The following ARB2A variants were observed in gnomAD, a reference collection of about 807,000 sequenced individuals.
The protein encoded by ARB2A is ARB2 cotranscriptional regulator A.
the ARB2A span, among the ~76,000 whole-genome samples, chr5:93,954,375 C>A: frequency 2.0e-5 from 3 of 151,880 alleles, no homozygotes; most frequent in African/African-American, 7.2e-5. Flanking sequence ...TCCAAGGCAG[C>A]GAGTTCCTCC....
At chr5:93,742,452 C>A in the ARB2A span, among the ~76,000 whole-genome samples, 3 of 152,162 alleles carry the variant, frequency 2.0e-5, no homozygotes, top group Non-Finnish European at 4.4e-5. Context: ...AGAAACCCAA[C>A]AATCTTAATT....
the ARB2A span, among the ~76,000 whole-genome samples, chr5:93,746,791 G>A: frequency 6.6e-6 from 1 of 152,146 alleles, no homozygotes; most frequent in African/African-American, 2.4e-5. Context: ...AAGCCTTAAG[G>A]AATTTTAAAT....
the ARB2A span, among the ~76,000 whole-genome samples, chr5:93,621,667 G>A: frequency 6.6e-6 from 1 of 152,232 alleles, no homozygotes; most frequent in Non-Finnish European, 1.5e-5. Context: ...GGGTGGTGTG[G>A]AGGGGAAGGG....
At chr5:94,084,941 A>G in the ARB2A span, among the ~76,000 whole-genome samples, 1 of 152,224 alleles carries the variant, frequency 6.6e-6, no homozygotes, top group African/African-American at 2.4e-5. Context: ...GGAGACTACT[A>G]CTTTGATGTT....
At chr5:93,765,739 A>G in the ARB2A span, among the ~76,000 whole-genome samples, 5 of 152,172 alleles carry the variant, frequency 3.3e-5, no homozygotes, top group Non-Finnish European at 5.9e-5. Flanking sequence ...AGTCAATCCT[A>G]CGCCAAAAGA....
chr5:93,705,940 C>T, the ARB2A span, among the ~76,000 whole-genome samples: 1 of 152,024 alleles, frequency 6.6e-6, no homozygotes, highest in Non-Finnish European at 1.5e-5. Flanking sequence ...CATAAACTGG[C>T]CTTTTAACCT....
the ARB2A span, among the ~76,000 whole-genome samples, chr5:93,677,345 A>C: frequency 1.3e-5 from 2 of 152,202 alleles, no homozygotes; most frequent in Non-Finnish European, 2.9e-5. Flanking sequence ...CAAGATTCCT[A>C]TTCTGTCTCC....
At chr5:93,710,330 C>T in the ARB2A span, among the ~76,000 whole-genome samples, 11 of 152,180 alleles carry the variant, frequency 7.2e-5, no homozygotes, top group South Asian at 1.7e-3. Flanking sequence ...TTGGGAAAAC[C>T]GGGAAATCTG....
chr5:93,991,385 C>T, the ARB2A span, among the ~76,000 whole-genome samples: 2 of 152,002 alleles, frequency 1.3e-5, no homozygotes, highest in East Asian at 3.9e-4. Flanking sequence ...ACAATGACCA[C>T]CATCCAATAC....
chr5:93,703,387 C>A, the ARB2A span, among the ~76,000 whole-genome samples: 1 of 152,318 alleles, frequency 6.6e-6, no homozygotes, highest in South Asian at 2.1e-4. Context: ...AAGATCATAA[C>A]ACCCACTATA....
the ARB2A span, among the ~76,000 whole-genome samples, chr5:93,645,565 T>G: frequency 7.1e-6 from 1 of 140,374 alleles, no homozygotes; most frequent in African/African-American, 2.8e-5. Context: ...AGAGTGAGAC[T>G]CCGTCTCAAA....
the ARB2A span, chr5:93,740,687 G>A: frequency 6.2e-7 from 1 of 1,613,876 alleles, no homozygotes. Flanking sequence ...AGTCCCAGGT[G>A]AAAGCACACT....
chr5:94,109,323 T>C, the ARB2A span, among the ~76,000 whole-genome samples: 2 of 152,080 alleles, frequency 1.3e-5, no homozygotes, highest in African/African-American at 4.8e-5. Flanking sequence ...GAAGTTTCAG[T>C]TGGGGATGAT....
chr5:93,961,712 A>C, the ARB2A span, among the ~76,000 whole-genome samples: 1 of 152,240 alleles, frequency 6.6e-6, no homozygotes, highest in East Asian at 1.9e-4. Context: ...AAAGGGAATC[A>C]CATTTTAAAA....
chr5:93,873,732 G>A, the ARB2A span, among the ~76,000 whole-genome samples: 1 of 152,146 alleles, frequency 6.6e-6, no homozygotes, highest in Non-Finnish European at 1.5e-5. Flanking sequence ...CTTGTCAGGT[G>A]GGAGCCACTC....
At chr5:94,051,603 C>G in the ARB2A span, among the ~76,000 whole-genome samples, 2 of 152,260 alleles carry the variant, frequency 1.3e-5, no homozygotes, top group East Asian at 3.9e-4. Flanking sequence ...CTCTCTGGCC[C>G]AAAGTAGATG....
chr5:93,619,019 AAACAC>A, the ARB2A span: 2 of 152,218 alleles, frequency 1.3e-5, no homozygotes, highest in Non-Finnish European at 2.9e-5. Context: ...CTTATACTGA[AAACAC>A]AACACAATTT....
the ARB2A span, among the ~76,000 whole-genome samples, chr5:94,011,499 A>G: frequency 5.9e-5 from 9 of 152,182 alleles, no homozygotes; most frequent in Non-Finnish European, 1.3e-4. Context: ...TAGAGAGTAG[A>G]CAGCCAAGAA....
chr5:93,952,144 C>T, the ARB2A span, among the ~76,000 whole-genome samples: 1 of 152,152 alleles, frequency 6.6e-6, no homozygotes. Flanking sequence ...TTAAAATGTA[C>T]ATAGTATCCA....
Sources: gnomAD v4.1 joint callset for allele counts (sites outside exome capture counted in the v4.1 genomes callset) on GRCh38, gnomAD v4.1.1 for gene constraint, MANE v1.5 for transcripts, NCBI Gene and HGNC (gene_info 2026-07-23, HGNC 2026-07-21) for gene names.